The following RSU1 variants were observed in gnomAD, a reference collection of about 807,000 sequenced individuals.
The protein encoded by RSU1 is Ras suppressor protein 1, also known as rsu-1.
In RSU1, 26 loss-of-function variants were observed where a neutral mutation model predicts 31.1. The ratio of observed to expected loss-of-function variants is 0.84; its 90% CI spans 0.61 to 1.16. The LOEUF (loss-of-function observed/expected upper bound fraction) is 1.16. RSU1 is among the 50% of genes most tolerant of loss of function. The pLI, the probability that RSU1 is intolerant of heterozygous loss-of-function variation, is 0.00. For synonymous variants in RSU1, 164 were observed against 136.3 expected, an observed-to-expected ratio of 1.20 and a Z score of -1.41; for missense variants, 320 against 339.1, an observed-to-expected ratio of 0.94 and a Z score of 0.44.
At chr10:16,648,132 A>ATTTTATTTTATTTT (rs1554763093) in intron 8 of RSU1, among the ~76,000 whole-genome samples, 16 of 133,484 alleles carry the variant, frequency 1.2e-4, no homozygotes, top group African/African-American at 5.7e-4. Flanking sequence ...AAAAAAAAAA[A>ATTTTATTTTATTTT]TTTTTTTTTT....
At chr10:16,605,194 C>T (rs949753789) in intron 8 of RSU1, among the ~76,000 whole-genome samples, 1 of 152,210 alleles carries the variant, frequency 6.6e-6, no homozygotes, top group Admixed American at 6.5e-5. Flanking sequence ...CGTCACCACT[C>T]TGGTCTACTG....
intron 2 of RSU1, among the ~76,000 whole-genome samples, chr10:16,788,223 TTCTC>T (rs1378853020): frequency 1.3e-5 from 2 of 152,200 alleles, no homozygotes; most frequent in African/African-American, 2.4e-5. Context: ...AAACAGGAGT[TTCTC>T]TCATAGGCAG....
intron 8 of RSU1, among the ~76,000 whole-genome samples, chr10:16,688,964 T>G (rs978657058): frequency 1.3e-5 from 2 of 151,374 alleles, no homozygotes; most frequent in Non-Finnish European, 2.9e-5. Context: ...GCTATCATGG[T>G]GCCCCTGCAC....
At chr10:16,620,071 GCT>G (rs574871509) in intron 8 of RSU1, among the ~76,000 whole-genome samples, 53 of 152,222 alleles carry the variant, frequency 3.5e-4, no homozygotes, top group African/African-American at 1.3e-3. Flanking sequence ...CGTGAACATT[GCT>G]CTGTTTTGGG....
chr10:16,636,797 T>G (rs1834350835), intron 8 of RSU1, among the ~76,000 whole-genome samples: 1 of 152,130 alleles, frequency 6.6e-6, no homozygotes. Context: ...TGCACATCCT[T>G]TAGGTCTCTG....
In RSU1 at chr10:16,692,523, C is replaced by A. The variant is rs1249194401; in HGVS notation, c.731+2500G>T. Reference sequence around the variant, plus strand: ...GCATTTTTCTGTATACTATCATATACAGAATGACTTTTTTCAAGATACCAT... The same window carrying A: ...GCATTTTTCTGTATACTATCATATAAAGAATGACTTTTTTCAAGATACCAT... On this transcript the variant is annotated intron_variant, in intron 8 of 8. Coordinates refer to ENST00000345264, the MANE Select transcript of RSU1 (RefSeq NM_012425.4). Among the ~76,000 whole-genome samples the A allele has an allele frequency of 2.8e-4, 43 of 152,032 alleles. 1 individual carries two copies. Among genetic ancestry groups the A allele is most frequent in the Admixed American group, 2.8e-3 (43 of 15,254 alleles).
intron 7 of RSU1, among the ~76,000 whole-genome samples, chr10:16,728,504 AG>A (rs1243087161): frequency 6.6e-6 from 1 of 152,202 alleles, no homozygotes; most frequent in East Asian, 1.9e-4. Flanking sequence ...ATCATGAAGC[AG>A]GGGAAAGAAA....
chr10:16,707,228 C>G (rs2131577021), intron 7 of RSU1, among the ~76,000 whole-genome samples: 1 of 152,270 alleles, frequency 6.6e-6, no homozygotes, highest in East Asian at 1.9e-4. Flanking sequence ...TTCTCTTCAA[C>G]ATAGTAATTT....
Position 16,695,165 on chromosome 10 carries a change from G to GT in RSU1, c.599-11_599-10insA, listed in dbSNP as rs372430392. 4 of 1,430,938 alleles carry GT rather than the reference G, an allele frequency of 2.8e-6. No individual in the cohort carries two copies. Among genetic ancestry groups the GT allele is most frequent in the East Asian group, 5.1e-5 (2 of 38,840 alleles). The allele number at this position is 1,430,938 out of a possible 1,614,324, so 88.6% of individuals were successfully genotyped here. A position where few individuals can be genotyped will look rare whatever the true frequency, so the allele number is the denominator to read the frequency against. On this transcript the variant is annotated splice_polypyrimidine_tract_variant and intron_variant, in intron 7 of 8. Transcript: ENST00000345264. ...GTTAAATCCAAGTTTCCTGGGGGGG[G>GT]GGAAAAAAAAAGTGAAGGTCACTTC...
intron 7 of RSU1, among the ~76,000 whole-genome samples, chr10:16,749,751 G>T (rs925819025): frequency 6.6e-6 from 1 of 152,240 alleles, no homozygotes; most frequent in African/African-American, 2.4e-5. Flanking sequence ...GTTTTGCAAA[G>T]TGTTATGCTA....
At chr10:16,783,761 G>T (rs1221351583) in intron 2 of RSU1, among the ~76,000 whole-genome samples, 1 of 151,952 alleles carries the variant, frequency 6.6e-6, no homozygotes, top group Non-Finnish European at 1.5e-5. Flanking sequence ...GAACCACTGA[G>T]ATTAAGCTGC....
At chr10:16,708,629 A>T (rs889792840) in intron 7 of RSU1, among the ~76,000 whole-genome samples, 1 of 152,058 alleles carries the variant, frequency 6.6e-6, no homozygotes, top group African/African-American at 2.4e-5. Flanking sequence ...TGTCATTAGT[A>T]TTTTGATAGG....
At chr10:16,623,636 C>T (rs1834108560) in intron 8 of RSU1, among the ~76,000 whole-genome samples, 1 of 152,180 alleles carries the variant, frequency 6.6e-6, no homozygotes, top group African/African-American at 2.4e-5. Context: ...CTCATATTCC[C>T]ACCAGCAGTA....
intron 8 of RSU1, among the ~76,000 whole-genome samples, chr10:16,635,595 A>G (rs1323399543): frequency 2.6e-5 from 4 of 152,186 alleles, no homozygotes; most frequent in Non-Finnish European, 5.9e-5. Flanking sequence ...CTGCAAAATG[A>G]TACTGTCCCA....
At chr10:16,712,908 T>G (rs531887439) in intron 7 of RSU1, among the ~76,000 whole-genome samples, 6 of 152,324 alleles carry the variant, frequency 3.9e-5, no homozygotes, top group Admixed American at 2.6e-4. Flanking sequence ...TCTCTCAGCC[T>G]TTGCTTGTCT....
intron 8 of RSU1, among the ~76,000 whole-genome samples, chr10:16,595,906 G>A (rs756295693): frequency 2.8e-4 from 42 of 151,868 alleles, no homozygotes; most frequent in Non-Finnish European, 6.0e-4. Context: ...GAGGCAGAGG[G>A]TGCAGTGAGC....
intron 2 of RSU1, among the ~76,000 whole-genome samples, chr10:16,788,360 G>A (rs1200294723): frequency 6.6e-6 from 1 of 152,152 alleles, no homozygotes; most frequent in Non-Finnish European, 1.5e-5. Flanking sequence ...AATCCCCAGT[G>A]TATGGTATTG....
At chr10:16,806,097 T>A (rs1042179505) in intron 2 of RSU1, among the ~76,000 whole-genome samples, 1 of 152,108 alleles carries the variant, frequency 6.6e-6, no homozygotes, top group African/African-American at 2.4e-5. Flanking sequence ...TTCAATAAGG[T>A]TTTTTGGAAT....
At chr10:16,757,412 G>A (rs559635486) in intron 4 of RSU1, among the ~76,000 whole-genome samples, 10 of 152,094 alleles carry the variant, frequency 6.6e-5, no homozygotes, top group African/African-American at 9.7e-5. Context: ...CAACCAAAAG[G>A]GAAACGCGGG....
Sources: gnomAD v4.1 joint callset for allele counts (sites outside exome capture counted in the v4.1 genomes callset) on GRCh38, gnomAD v4.1.1 for gene constraint, MANE v1.5 for transcripts, NCBI Gene and HGNC (gene_info 2026-07-23, HGNC 2026-07-21) for gene names.